The following FAM171A1 variants were observed in gnomAD, a reference collection of about 807,000 sequenced individuals.
The protein encoded by FAM171A1 is protein FAM171A1.
Under a neutral mutation model 74.9 loss-of-function variants are expected in FAM171A1, and 23 were observed. The ratio of observed to expected loss-of-function variants is 0.31; its 90% CI spans 0.22 to 0.44. The LOEUF (loss-of-function observed/expected upper bound fraction) is 0.44, where lower values mean the gene tolerates loss of function less well. Ranked by LOEUF, FAM171A1 falls within the 20% of genes least tolerant of loss-of-function variation. The probability of loss-of-function intolerance (pLI) is 1.00; values close to 1 mark genes in which losing one functional copy is unlikely to be tolerated. For missense variants in FAM171A1, 1,162 were observed against 1,159.2 expected (o/e 1.00, Z -0.03); for synonymous variants, 527 against 505.7 (o/e 1.04, Z -0.57).
At chr10:15,323,043 G>A (rs975984887) in intron 1 of FAM171A1, among the ~76,000 whole-genome samples, 6 of 151,898 alleles carry the variant, frequency 4.0e-5, no homozygotes, top group African/African-American at 1.2e-4. Context: ...GGGAGGCTGA[G>A]GCATGAGAAT....
At chr10:15,317,079 T>C (rs930324374) in intron 1 of FAM171A1, among the ~76,000 whole-genome samples, 1 of 147,876 alleles carries the variant, frequency 6.8e-6, no homozygotes, top group Non-Finnish European at 1.5e-5. Context: ...GTGGCAACAG[T>C]TGTATAGGAA....
chr10:15,294,948 T>G (rs1347848135), intron 1 of FAM171A1, among the ~76,000 whole-genome samples: 2 of 152,176 alleles, frequency 1.3e-5, no homozygotes, highest in Non-Finnish European at 2.9e-5. Context: ...AGAGTTTTGC[T>G]CTTGTTGCCC....
chr10:15,265,729 T>C (rs988884902), intron 3 of FAM171A1, among the ~76,000 whole-genome samples: 6 of 151,880 alleles, frequency 4.0e-5, no homozygotes, highest in Admixed American at 3.3e-4. Context: ...TTGGCAGGCA[T>C]AGGGCACAGA....
At chr10:15,265,250 T>C (rs911265771) in intron 3 of FAM171A1, among the ~76,000 whole-genome samples, 5 of 151,834 alleles carry the variant, frequency 3.3e-5, no homozygotes, top group Non-Finnish European at 5.9e-5. Flanking sequence ...CTCGTGTGTG[T>C]GCGTGTGTGT....
chr10:15,292,676 G>A (rs544586825), intron 1 of FAM171A1, among the ~76,000 whole-genome samples: 12 of 152,060 alleles, frequency 7.9e-5, no homozygotes, highest in African/African-American at 2.4e-4. Flanking sequence ...GCAGAGATGC[G>A]GGTTTTGCCA....
upstream of FAM171A1, among the ~76,000 whole-genome samples, chr10:15,373,081 T>C (rs1172776363): frequency 6.6e-6 from 1 of 152,202 alleles, no homozygotes; most frequent in Admixed American, 6.5e-5. Flanking sequence ...AGGATGGCAC[T>C]TGCCCAGTTG....
intron 3 of FAM171A1, among the ~76,000 whole-genome samples, chr10:15,255,654 C>CT (rs35247955): frequency 0.36 from 52,243 of 145,960 alleles, 9,277 homozygotes; most frequent in Middle Eastern, 0.47. Flanking sequence ...TTTTCTTCTT[C>CT]TTTTTTTTTT....
chr10:15,261,814 T>A (rs529780057), intron 3 of FAM171A1, among the ~76,000 whole-genome samples: 160 of 152,214 alleles, frequency 1.1e-3, no homozygotes, highest in South Asian at 4.1e-3. Context: ...AAGGACTTGG[T>A]AAGTCCCAAT....
intron 5 of FAM171A1, among the ~76,000 whole-genome samples, chr10:15,242,197 T>TA (rs1270803304): frequency 5.9e-5 from 9 of 152,240 alleles, no homozygotes; most frequent in Non-Finnish European, 1.0e-4. Context: ...CCTGATCTAA[T>TA]ACCGTCTTTA....
chr10:15,283,957 CA>C lies in FAM171A1; in HGVS notation c.245del (p.Leu82ArgfsTer5). The C allele has an allele frequency of 6.2e-7, 1 of 1,614,132 alleles. No homozygotes were observed. ...GVAFIKFQYK[L>X]GSQLIVTASK... ...AGGCGGTGACAATCAACTGACTGCC[CA>C]GCTTATACTGGAACTTGATAAAGGC... On this transcript the variant is annotated frameshift_variant, in exon 2 of 8. Transcript: ENST00000378116. LOFTEE classifies it high-confidence loss of function.
upstream of FAM171A1, among the ~76,000 whole-genome samples, chr10:15,374,290 A>G (rs977343159): frequency 6.6e-6 from 1 of 152,192 alleles, no homozygotes; most frequent in Non-Finnish European, 1.5e-5. Context: ...TGCATAGTAC[A>G]TTCTGCAGGC....
chr10:15,360,683 T>C (rs1055548062), intron 1 of FAM171A1, among the ~76,000 whole-genome samples: 12 of 152,242 alleles, frequency 7.9e-5, no homozygotes, highest in African/African-American at 2.9e-4. Flanking sequence ...GAGCATACAA[T>C]GCCAGGAGAC....
chr10:15,357,003 G>A (rs1381132485), intron 1 of FAM171A1, among the ~76,000 whole-genome samples: 2 of 151,118 alleles, frequency 1.3e-5, no homozygotes, highest in African/African-American at 4.9e-5. Context: ...AAAAGGCCGG[G>A]CACAGTGGCT....
chr10:15,352,511 A>G (rs1191100294), intron 1 of FAM171A1, among the ~76,000 whole-genome samples: 2 of 152,234 alleles, frequency 1.3e-5, no homozygotes, highest in Non-Finnish European at 2.9e-5. Flanking sequence ...GTATTGATTT[A>G]GAATGCCTAA....
intron 1 of FAM171A1, among the ~76,000 whole-genome samples, chr10:15,313,698 A>G (rs1383857420): frequency 6.6e-6 from 1 of 152,222 alleles, no homozygotes; most frequent in African/African-American, 2.4e-5. Flanking sequence ...GAAGGTGCAT[A>G]CATAAACATC....
At chr10:15,216,911 A>C (rs1833974583) in intron 6 of FAM171A1, among the ~76,000 whole-genome samples, 1 of 152,050 alleles carries the variant, frequency 6.6e-6, no homozygotes, top group Admixed American at 6.5e-5. Flanking sequence ...GAGAGCCCCT[A>C]GCCCAAATGA....
intron 1 of FAM171A1, among the ~76,000 whole-genome samples, chr10:15,324,601 G>T: frequency 6.6e-6 from 1 of 152,168 alleles, no homozygotes. Context: ...GAGATTTACT[G>T]TTGGTTTTCA....
intron 1 of FAM171A1, among the ~76,000 whole-genome samples, chr10:15,359,102 G>A (rs1455835373): frequency 6.6e-6 from 1 of 152,210 alleles, no homozygotes; most frequent in Non-Finnish European, 1.5e-5. Flanking sequence ...CATGTAAGAA[G>A]CACCGAGCAC....
intron 1 of FAM171A1, among the ~76,000 whole-genome samples, chr10:15,361,203 TTCTC>T (rs1465401320): frequency 6.6e-6 from 1 of 152,230 alleles, no homozygotes. Context: ...CGTGCTTTAA[TTCTC>T]TCTGTTAATA....
Sources: allele counts gnomAD v4.1 joint callset (sites outside exome capture counted in the v4.1 genomes callset), GRCh38; gene constraint gnomAD v4.1.1; transcripts MANE v1.5; gene names NCBI Gene and HGNC (gene_info 2026-07-23, HGNC 2026-07-21).